C12orf54: variants seen among roughly 807,000 people sequenced by gnomAD.
C12orf54 encodes the protein chromosome 12 open reading frame 54, also known as uncharacterized protein C12orf54.
A neutral mutation model predicts 26.4 loss-of-function variants in C12orf54; 24 were observed. The ratio of observed to expected loss-of-function variants is 0.91; its 90% CI spans 0.66 to 1.28. C12orf54 has a LOEUF of 1.28. Among genes scored for constraint, C12orf54 ranks in the 50% most tolerant of loss-of-function variants. The pLI, the probability that C12orf54 is intolerant of heterozygous loss-of-function variation, is 0.00. For missense variants in C12orf54, 154 were observed against 150.9 expected (o/e 1.02, Z -0.11); for synonymous variants, 54 against 47.0 (o/e 1.15, Z -0.61).
At chr12:48,481,200 G>GT (rs71439446), upstream of C12orf54, among the ~76,000 whole-genome samples, 210 of 125,834 alleles carry the variant, frequency 1.7e-3, 1 homozygote, top group South Asian at 3.4e-3. Context: ...TAAAAATAGA[G>GT]TTTTTTTTTT....
intron 4 of C12orf54, 111 bp downstream of exon 4, chr12:48,486,837 G>A (rs1348264916): frequency 1.7e-5 from 19 of 1,108,454 alleles, no homozygotes; most frequent in Non-Finnish European, 2.0e-5. Context: ...GTTGATTGAC[G>A]GTGAAGGATC....
At chr12:48,487,788 A>G (rs989864846) in intron 4 of C12orf54, 1 of 435,022 alleles carries the variant, frequency 2.3e-6, no homozygotes, top group Admixed American at 3.6e-5. Flanking sequence ...CCACCAAACA[A>G]GATACAACCA....
At chr12:48,437,679 A>G in the C12orf54 span, among the ~76,000 whole-genome samples, 10 of 152,236 alleles carry the variant, frequency 6.6e-5, no homozygotes, top group Admixed American at 2.0e-4. Context: ...CGATGCAGAA[A>G]AGGCCTTTGA....
At chr12:48,492,674 C>T (rs569470144) in intron 6 of C12orf54, among the ~76,000 whole-genome samples, 10 of 152,170 alleles carry the variant, frequency 6.6e-5, no homozygotes, top group Non-Finnish European at 1.2e-4. Context: ...CCAGTGGCAG[C>T]GCCCTGGGAT....
chr12:48,485,979 A>G (rs1954256651), intron 2 of C12orf54, among the ~76,000 whole-genome samples, 199 bp from the exon 3 acceptor site: 1 of 152,156 alleles, frequency 6.6e-6, no homozygotes, highest in Non-Finnish European at 1.5e-5. Flanking sequence ...AATAGTCAAG[A>G]TACTTGGAAG....
the C12orf54 span, among the ~76,000 whole-genome samples, chr12:48,460,656 G>A: frequency 2.0e-4 from 30 of 152,206 alleles, no homozygotes; most frequent in East Asian, 5.8e-3. Flanking sequence ...TAGCACAAAG[G>A]CTGTTGGGAT....
chr12:48,489,806 C>T (rs1459426145), intron 5 of C12orf54, among the ~76,000 whole-genome samples: 3 of 151,792 alleles, frequency 2.0e-5, no homozygotes, highest in Non-Finnish European at 2.9e-5. Context: ...ACCACAACCT[C>T]CGCCTCCCGA....
At chr12:48,483,410 T>G in intron 2 of C12orf54, 49 bp downstream of exon 2, 20 of 1,571,706 alleles carry the variant, frequency 1.3e-5, no homozygotes, top group Non-Finnish European at 1.6e-5. Context: ...TGCTATACTC[T>G]ATGGGAGAAG....
the C12orf54 span, among the ~76,000 whole-genome samples, chr12:48,437,077 C>T: frequency 2.0e-5 from 3 of 152,092 alleles, no homozygotes; most frequent in South Asian, 4.2e-4. Context: ...ATATCACCAC[C>T]GATCCCACAG....
At chr12:48,490,029 G>A (rs1017616384) in intron 5 of C12orf54, among the ~76,000 whole-genome samples, 11 of 152,174 alleles carry the variant, frequency 7.2e-5, no homozygotes, top group African/African-American at 2.6e-4. Flanking sequence ...GCCAAGAAGG[G>A]ATTTTTTAAA....
chr12:48,449,726 TTTAA>T, the C12orf54 span, among the ~76,000 whole-genome samples: 1 of 152,212 alleles, frequency 6.6e-6, no homozygotes, highest in Admixed American at 6.5e-5. Flanking sequence ...CACATAAAAT[TTTAA>T]TTAATGGATA....
At chr12:48,459,195 C>T in the C12orf54 span, among the ~76,000 whole-genome samples, 3 of 152,162 alleles carry the variant, frequency 2.0e-5, no homozygotes, top group Admixed American at 6.6e-5. Flanking sequence ...GTCCTGCTAT[C>T]GCAGTGGTAG....
At chr12:48,417,767 T>C in the C12orf54 span, among the ~76,000 whole-genome samples, 1 of 152,184 alleles carries the variant, frequency 6.6e-6, no homozygotes, top group Non-Finnish European at 1.5e-5. Context: ...CCAGTGTCTA[T>C]TATTGTCATC....
the C12orf54 span, chr12:48,472,559 G>A: frequency 7.4e-7 from 1 of 1,350,368 alleles, no homozygotes; most frequent in Non-Finnish European, 1.0e-6. Context: ...TTTACTTTCG[G>A]AGAACCCAGC....
chr12:48,472,450 A>C, the C12orf54 span, among the ~76,000 whole-genome samples: 8 of 152,228 alleles, frequency 5.3e-5, no homozygotes, highest in Non-Finnish European at 1.5e-5. Context: ...AAATAGAGGA[A>C]GTAGTCATTA....
At position 48,486,700 on chromosome 12, in the gene C12orf54, A is replaced by G. The variant is rs1237018582; in HGVS notation, c.109A>G (p.Thr37Ala). 2 of 1,613,124 alleles carry G rather than the reference A, an allele frequency of 1.2e-6. No individual in the cohort carries two copies. The highest frequency in any genetic ancestry group is 2.7e-5 in the African/African-American group (2 of 74,904). ...ETMRPQEKQV[T>A]ITETLWDQVL... is the part of the protein sequence containing the mutation. The stretch of plus-strand genomic sequence containing the variant: ...CTTATTTCTACAGGAAAAACAGGTA[A>G]CCATCACTGAAACCCTGTGGGACCA... The change falls in exon 4 of 9, where the codon ACC becomes GCC. Residue 37 changes from threonine to alanine, a missense_variant. Physicochemically the swap from Thr to Ala is moderately conservative, Grantham distance 58. Coordinates refer to ENST00000548364, the MANE Select transcript of C12orf54 (RefSeq NM_152319.4).
At chr12:48,490,171 A>G (rs534291028) in intron 5 of C12orf54, among the ~76,000 whole-genome samples, 3 of 152,358 alleles carry the variant, frequency 2.0e-5, no homozygotes, top group South Asian at 2.1e-4. Context: ...AGGCCTTGGT[A>G]TGAATAGTTA....
the C12orf54 span, among the ~76,000 whole-genome samples, chr12:48,429,015 C>T: frequency 1.7e-3 from 253 of 152,112 alleles, 1 homozygote; most frequent in African/African-American, 5.6e-3. Flanking sequence ...GTTTAACATA[C>T]GCAAGTCAAT....
chr12:48,415,432 A>C, the C12orf54 span, among the ~76,000 whole-genome samples: 1 of 152,140 alleles, frequency 6.6e-6, no homozygotes, highest in Non-Finnish European at 1.5e-5. Context: ...TTTTAAATCC[A>C]ATGTTACAAA....
Sources: gnomAD v4.1 joint callset for allele counts (sites outside exome capture counted in the v4.1 genomes callset) on GRCh38, gnomAD v4.1.1 for gene constraint, MANE v1.5 for transcripts, NCBI Gene and HGNC (gene_info 2026-07-23, HGNC 2026-07-21) for gene names.